RHBDD1: variants seen among roughly 807,000 people sequenced by gnomAD.
The protein encoded by RHBDD1 is rhomboid-related protein 4.
In RHBDD1, 38 loss-of-function variants were observed where a neutral mutation model predicts 36.3. That is an observed-to-expected ratio of 1.05 (90% CI 0.81 to 1.37). The LOEUF (loss-of-function observed/expected upper bound fraction) is 1.37, where lower values mean the gene tolerates loss of function less well. RHBDD1 is among the 40% of genes most tolerant of loss of function. The pLI, the probability that RHBDD1 is intolerant of heterozygous loss-of-function variation, is 0.00. For synonymous variants in RHBDD1, 151 were observed against 136.5 expected (o/e 1.11, Z -0.74); for missense variants, 393 against 377.6 (o/e 1.04, Z -0.34).
At chr2:226,942,321 C>G (rs2149164990) in intron 8 of RHBDD1, among the ~76,000 whole-genome samples, 1 of 151,580 alleles carries the variant, frequency 6.6e-6, no homozygotes, top group South Asian at 2.1e-4. Flanking sequence ...TCACTGCAAG[C>G]TCTGTTTCCC....
intron 4 of RHBDD1, among the ~76,000 whole-genome samples, chr2:226,865,849 G>C (rs1249566334): frequency 6.6e-6 from 1 of 152,144 alleles, no homozygotes; most frequent in Non-Finnish European, 1.5e-5. Context: ...TTATTCTTGA[G>C]AACTACAAGC....
At chr2:226,819,089 G>A in the RHBDD1 span, among the ~76,000 whole-genome samples, 1 of 152,230 alleles carries the variant, frequency 6.6e-6, no homozygotes, top group African/African-American at 2.4e-5. Flanking sequence ...TATATCACCT[G>A]CCTATATCCT....
At chr2:226,991,069 C>A (rs1286464593) in intron 8 of RHBDD1, among the ~76,000 whole-genome samples, 1 of 152,232 alleles carries the variant, frequency 6.6e-6, no homozygotes, top group Non-Finnish European at 1.5e-5. Flanking sequence ...ATATCTATTT[C>A]TCAGAAGACA....
intron 5 of RHBDD1, chr2:226,869,192 T>C: frequency 2.0e-6 from 2 of 985,300 alleles, no homozygotes; most frequent in Non-Finnish European, 2.4e-6. Context: ...CTGTGTCATA[T>C]GCATATTCTT....
intron 7 of RHBDD1, among the ~76,000 whole-genome samples, chr2:226,909,250 G>A (rs1948331813): frequency 6.6e-6 from 1 of 152,088 alleles, no homozygotes; most frequent in African/African-American, 2.4e-5. Flanking sequence ...CCCATCCTGT[G>A]TATATTCAGG....
chr2:226,840,276 G>A (rs1941465969), intron 3 of RHBDD1, among the ~76,000 whole-genome samples: 1 of 152,136 alleles, frequency 6.6e-6, no homozygotes, highest in Non-Finnish European at 1.5e-5. Flanking sequence ...AAATTTCTGG[G>A]AAGCAACAGA....
intron 7 of RHBDD1, among the ~76,000 whole-genome samples, chr2:226,910,750 C>T (rs1349610234): frequency 1.3e-5 from 2 of 151,738 alleles, no homozygotes; most frequent in Non-Finnish European, 2.9e-5. Context: ...CTAGGTTTTT[C>T]CAGGAATGTT....
chr2:226,881,610 A>G (rs1454288929), intron 5 of RHBDD1, among the ~76,000 whole-genome samples: 2 of 148,068 alleles, frequency 1.4e-5, no homozygotes, highest in Non-Finnish European at 2.9e-5. Context: ...TTCCCAGAAC[A>G]AGGTGAAGTG....
chr2:226,983,746 G>A (rs1016022992), intron 8 of RHBDD1, among the ~76,000 whole-genome samples: 2 of 152,022 alleles, frequency 1.3e-5, no homozygotes, highest in Non-Finnish European at 2.9e-5. Flanking sequence ...ATTTCAAATG[G>A]TCTTTGATTT....
intron 8 of RHBDD1, among the ~76,000 whole-genome samples, chr2:226,933,410 C>T (rs769670028): frequency 1.3e-5 from 2 of 152,044 alleles, no homozygotes; most frequent in Non-Finnish European, 2.9e-5. Context: ...CTTGTGAGAC[C>T]AGATGAGGTT....
intron 8 of RHBDD1, among the ~76,000 whole-genome samples, chr2:226,969,340 C>T (rs1952996965): frequency 6.7e-6 from 1 of 148,374 alleles, no homozygotes; most frequent in Non-Finnish European, 1.5e-5. Context: ...TAAGTCTGTG[C>T]CCAACTGTCA....
chr2:226,896,763 G>GCAGCACCCT (rs1334454514), intron 5 of RHBDD1, among the ~76,000 whole-genome samples: 1 of 149,590 alleles, frequency 6.7e-6, no homozygotes, highest in Non-Finnish European at 1.5e-5. Context: ...CTAAATCCGT[G>GCAGCACCCT]CAGCACCCTG....
intron 5 of RHBDD1, among the ~76,000 whole-genome samples, chr2:226,879,573 A>G (rs1945532187): frequency 1.3e-5 from 2 of 152,176 alleles, no homozygotes; most frequent in Admixed American, 1.3e-4. Flanking sequence ...TAAAAATGCA[A>G]AAAAAGGGTT....
At chr2:226,812,619 C>G in the RHBDD1 span, among the ~76,000 whole-genome samples, 2 of 151,824 alleles carry the variant, frequency 1.3e-5, no homozygotes, top group Non-Finnish European at 2.9e-5. Flanking sequence ...AGGTGCAGAA[C>G]TGTATCATAG....
chr2:226,995,653 C>A lies in RHBDD1; in HGVS notation c.*131C>A. 1 of 692,338 alleles carries A rather than the reference C, an allele frequency of 1.4e-6. No homozygotes were observed. The highest frequency in any genetic ancestry group is 2.6e-6 in the Non-Finnish European group (1 of 388,720). The allele number at this position is 692,338 out of a possible 1,614,324, so 42.9% of individuals were successfully genotyped here. ...CACCGGTATTGCTCCAGATCGCTCA[C>A]ATCACCTGGGACAGTCCCATGGCCC... On this transcript the variant is annotated 3_prime_UTR_variant, in exon 9 of 9. Transcript: ENST00000392062.
At chr2:226,950,427 T>C (rs1446478583) in intron 8 of RHBDD1, among the ~76,000 whole-genome samples, 1 of 152,210 alleles carries the variant, frequency 6.6e-6, no homozygotes, top group Non-Finnish European at 1.5e-5. Flanking sequence ...TGTTACCATG[T>C]TTTATTTATT....
Position 226,864,980 on chromosome 2 carries a change from AAAG to A in RHBDD1, c.292_294del (p.Arg98del). 2 of 1,614,234 alleles carry A rather than the reference AAAG, an allele frequency of 1.2e-6. No individual in the cohort carries two copies. Among genetic ancestry groups the A allele is most frequent in the Non-Finnish European group, 1.7e-6 (2 of 1,180,036 alleles). ...ATGCTCTGGAAAGGAATAAATCTAGAAAGAAGACTGGGAAGTAGATGGTTTGCC... is the reference window on the plus strand; with the variant it reads ...ATGCTCTGGAAAGGAATAAATCTAGAAAGACTGGGAAGTAGATGGTTTGCC... On this transcript the variant is annotated inframe_deletion, in exon 4 of 9. Coordinates refer to ENST00000392062, the MANE Select transcript of RHBDD1 (RefSeq NM_001167608.3).
chr2:226,992,221 A>T (rs1157910053), intron 8 of RHBDD1, among the ~76,000 whole-genome samples: 1 of 152,234 alleles, frequency 6.6e-6, no homozygotes, highest in African/African-American at 2.4e-5. Flanking sequence ...ACAGCCAGGA[A>T]GCCTTGTGCC....
intron 8 of RHBDD1, among the ~76,000 whole-genome samples, chr2:226,923,771 G>T (rs1949488862): frequency 6.6e-6 from 1 of 151,770 alleles, no homozygotes. Context: ...TCTTTCTTCT[G>T]CTTGGTCAAT....
Sources: gnomAD v4.1 joint callset for allele counts (sites outside exome capture counted in the v4.1 genomes callset) on GRCh38, gnomAD v4.1.1 for gene constraint, MANE v1.5 for transcripts, NCBI Gene and HGNC (gene_info 2026-07-23, HGNC 2026-07-21) for gene names.